Variants in RBBP8 observed in about 807,000 individuals in gnomAD.
RBBP8 encodes DNA endonuclease RBBP8.
In RBBP8, 88 loss-of-function variants were observed where a neutral mutation model predicts 108.3. That is an observed-to-expected ratio of 0.81 (90% CI 0.68 to 0.97). The LOEUF (loss-of-function observed/expected upper bound fraction) is 0.97. RBBP8 is among the 50% of genes least tolerant of loss of function. RBBP8 has a pLI of 0.00. For missense variants in RBBP8, 1,023 were observed against 1,049.0 expected (o/e 0.98, Z 0.34); for synonymous variants, 332 against 348.2 (o/e 0.95, Z 0.52).
intron 6 of RBBP8, among the ~76,000 whole-genome samples, chr18:22,976,255 G>C (rs979309309): frequency 6.6e-6 from 1 of 152,100 alleles, no homozygotes; most frequent in Admixed American, 6.5e-5. Flanking sequence ...TAGCCAAAGG[G>C]AATTTTGAGG....
intron 7 of RBBP8, 45 bp from the exon 8 acceptor site, chr18:22,984,833 GCTTTTCAT>G: frequency 1.0e-6 from 1 of 991,986 alleles, no homozygotes; most frequent in African/African-American, 1.7e-5. Flanking sequence ...ATTTGATAAT[GCTTTTCAT>G]CATCATTGTT....
intron 17 of RBBP8, among the ~76,000 whole-genome samples, chr18:23,018,350 CCAAA>C (rs2046296595): frequency 1.3e-5 from 2 of 152,092 alleles, no homozygotes; most frequent in South Asian, 4.2e-4. Context: ...AGCCACTGCA[CCAAA>C]CATTTTTCTT....
chr18:22,924,126 G>GTTTTTT (rs1567937530), intron 3 of RBBP8, among the ~76,000 whole-genome samples: 1 of 78,786 alleles, frequency 1.3e-5, no homozygotes, highest in South Asian at 5.0e-4. Context: ...GTTTGTTTTT[G>GTTTTTT]GTTTTTTTTT....
At chr18:22,996,251 T>A in intron 12 of RBBP8, 123 bp from the exon 13 acceptor site, 2 of 1,460,532 alleles carry the variant, frequency 1.4e-6, no homozygotes. Context: ...ATCTTAGATA[T>A]AAGTCCTTTA....
Position 23,026,172 on chromosome 18 carries a change from C to T in RBBP8, c.2626C>T (p.Pro876Ser), listed in dbSNP as rs1194711752. The change falls in exon 19 of 19, where the codon CCT becomes TCT. Residue 876 changes from proline (P) to serine (S), a missense_variant. By Grantham distance (74) the Pro-to-Ser change is moderately conservative. Coordinates refer to ENST00000327155, the MANE Select transcript of RBBP8 (RefSeq NM_002894.3). Reference sequence around the variant, plus strand: ...TATTAAGGAAGATCTTGATCCTTGTCCTCGTCCAAAAAGACGTCAGCCTTA... The same window carrying T: ...TATTAAGGAAGATCTTGATCCTTGTTCTCGTCCAAAAAGACGTCAGCCTTA... ...GYIKEDLDPCPRPKRRQPYNA... is the reference protein window; with the variant it reads ...GYIKEDLDPCSRPKRRQPYNA... 8.1e-6 allele frequency: 13 copies of T among 1,613,542 alleles called. No homozygotes were observed. In the East Asian group the frequency reaches 2.7e-4, roughly 33 times the overall value.
intron 17 of RBBP8, among the ~76,000 whole-genome samples, chr18:23,021,302 C>T (rs1598753273): frequency 6.6e-6 from 1 of 152,118 alleles, no homozygotes; most frequent in East Asian, 1.9e-4. Context: ...ATAGTCCCAG[C>T]TACTTGGGAA....
At position 23,000,517 on chromosome 18, in the gene RBBP8, G is replaced by A. The variant is rs1416408359; in HGVS notation, c.2144-1069G>A. Among the ~76,000 whole-genome samples, 6 of 152,156 alleles carry A rather than the reference G, an allele frequency of 3.9e-5. No individual in the cohort carries two copies. The South Asian group carries it at 6.2e-4, about 16-fold the overall frequency. ...AGTATTTTGGGAGGCCTAGGTGGGC[G>A]GATCACTTGAGGTCAGGAGTTTGAG... On this transcript the variant is annotated intron_variant, in intron 14 of 18. Transcript: ENST00000327155.
intron 12 of RBBP8, among the ~76,000 whole-genome samples, chr18:22,994,331 A>AC (rs1438939234): frequency 6.8e-6 from 1 of 146,756 alleles, no homozygotes; most frequent in East Asian, 2.1e-4. Flanking sequence ...CCACTTATAT[A>AC]CGTTTTTAAA....
chr18:22,964,914 C>T (rs1913439566), intron 4 of RBBP8, among the ~76,000 whole-genome samples: 1 of 152,056 alleles, frequency 6.6e-6, no homozygotes, highest in Non-Finnish European at 1.5e-5. Flanking sequence ...TATGTCCTCA[C>T]TTAACATTGT....
intron 15 of RBBP8, chr18:23,004,544 A>G (rs1383995427): frequency 6.6e-6 from 1 of 152,088 alleles, no homozygotes. Context: ...GTTAATTGGT[A>G]TAAAAATATA....
intron 18 of RBBP8, among the ~76,000 whole-genome samples, chr18:23,025,651 G>A (rs2046440181): frequency 6.6e-6 from 1 of 152,218 alleles, no homozygotes; most frequent in Admixed American, 6.5e-5. Context: ...AATAGCTACT[G>A]TAAAAAGTAT....
chr18:22,947,712 C>G (rs1567952823), intron 3 of RBBP8, among the ~76,000 whole-genome samples: 1 of 152,034 alleles, frequency 6.6e-6, no homozygotes, highest in Non-Finnish European at 1.5e-5. Context: ...TTAGACACTT[C>G]CCTGTTTTTG....
At chr18:22,984,367 G>C (rs985850111) in intron 7 of RBBP8, among the ~76,000 whole-genome samples, 4 of 152,082 alleles carry the variant, frequency 2.6e-5, no homozygotes, top group African/African-American at 7.2e-5. Flanking sequence ...GTATACATTA[G>C]ATTGATTGAT....
intron 12 of RBBP8, among the ~76,000 whole-genome samples, chr18:22,995,439 G>C (rs754127563): frequency 1.8e-4 from 28 of 151,924 alleles, no homozygotes; most frequent in Non-Finnish European, 3.4e-4. Flanking sequence ...AATTTTAATT[G>C]AAATATAAAT....
intron 14 of RBBP8, among the ~76,000 whole-genome samples, chr18:22,999,822 T>C (rs1256019934): frequency 6.6e-6 from 1 of 152,222 alleles, no homozygotes; most frequent in East Asian, 1.9e-4. Flanking sequence ...AACAAGGATA[T>C]ACTCTCTGTC....
At chr18:22,924,944 T>C (rs570810356) in intron 3 of RBBP8, among the ~76,000 whole-genome samples, 2 of 151,284 alleles carry the variant, frequency 1.3e-5, no homozygotes, top group South Asian at 4.2e-4. Flanking sequence ...TCACCCAGAG[T>C]GTGAGCAAGG....
intron 2 of RBBP8, among the ~76,000 whole-genome samples, chr18:22,945,284 T>C (rs1911452701): frequency 6.6e-6 from 1 of 152,112 alleles, no homozygotes; most frequent in Admixed American, 6.5e-5. Context: ...ATAGAGAAAA[T>C]AGAGGGCACA....
Position 23,026,205 on chromosome 18 carries a change from A to T in RBBP8, c.2659A>T (p.Ile887Leu). 6.2e-7 allele frequency: 1 copy of T among 1,613,868 alleles called. No individual in the cohort carries two copies. The highest frequency in any genetic ancestry group is 8.5e-7 in the Non-Finnish European group (1 of 1,179,840). ...RPKRRQPYNA[I>L]FSPKGKEQKT The stretch of plus-strand genomic sequence containing the variant: ...AAAAAGACGTCAGCCTTACAACGCA[A>T]TATTTTCTCCAAAAGGCAAGGAGCA... Residue 887 changes from isoleucine to leucine, a missense_variant, in exon 19 of 19, where the codon ATA (isoleucine) becomes TTA (leucine). Physicochemically the swap from Ile to Leu is conservative, Grantham distance 5 (BLOSUM62 2). Transcript: ENST00000327155.
intron 4 of RBBP8, among the ~76,000 whole-genome samples, chr18:22,960,980 A>G (rs554381581): frequency 2.0e-5 from 3 of 152,238 alleles, no homozygotes; most frequent in South Asian, 2.1e-4. Context: ...TGATGATTCA[A>G]GTAACACTAA....
Sources: gnomAD v4.1 joint callset for allele counts (sites outside exome capture counted in the v4.1 genomes callset) on GRCh38, gnomAD v4.1.1 for gene constraint, MANE v1.5 for transcripts, NCBI Gene and HGNC (gene_info 2026-07-23, HGNC 2026-07-21) for gene names.